Variants in ANKS1B observed in about 807,000 individuals in gnomAD.
ANKS1B encodes the protein ankyrin repeat and sterile alpha motif domain-containing protein 1B.
Under a neutral mutation model 148.3 loss-of-function variants are expected in ANKS1B, and 36 were observed. That is an observed-to-expected ratio of 0.24 (90% CI 0.19 to 0.32). The LOEUF (loss-of-function observed/expected upper bound fraction) is 0.32, where lower values mean the gene tolerates loss of function less well. Ranked by LOEUF, ANKS1B falls within the 10% of genes least tolerant of loss-of-function variation. The pLI is 1.00. For synonymous variants in ANKS1B, 542 were observed against 560.8 expected, an observed-to-expected ratio of 0.97 and a Z score of 0.47; for missense variants, 1,157 against 1,542.6, an observed-to-expected ratio of 0.75 and a Z score of 4.19.
At chr12:99,873,518 C>T (rs892289196) in intron 1 of ANKS1B, among the ~76,000 whole-genome samples, 1 of 152,146 alleles carries the variant, frequency 6.6e-6, no homozygotes, top group Non-Finnish European at 1.5e-5. Flanking sequence ...TCAGCTCTAC[C>T]TCGTAGTTCC....
chr12:99,082,988 C>T (rs1472055958), intron 16 of ANKS1B, among the ~76,000 whole-genome samples: 4 of 152,040 alleles, frequency 2.6e-5, no homozygotes, highest in African/African-American at 9.7e-5. Context: ...AGTAAACATA[C>T]ACAAGCAGAG....
At chr12:99,938,678 A>G (rs2094840750) in intron 1 of ANKS1B, among the ~76,000 whole-genome samples, 1 of 152,178 alleles carries the variant, frequency 6.6e-6, no homozygotes, top group Non-Finnish European at 1.5e-5. Context: ...ACACAGCCAG[A>G]CCCTTTTGTA....
chr12:99,562,635 CCTT>C (rs2097348609), intron 9 of ANKS1B, among the ~76,000 whole-genome samples: 1 of 152,136 alleles, frequency 6.6e-6, no homozygotes, highest in Non-Finnish European at 1.5e-5. Flanking sequence ...GCAAATATGT[CCTT>C]CTTCACATGG....
chr12:99,827,122 C>A (rs570627476), intron 1 of ANKS1B, among the ~76,000 whole-genome samples: 2 of 151,208 alleles, frequency 1.3e-5, no homozygotes, highest in Admixed American at 1.3e-4. Flanking sequence ...CTGCCACCCC[C>A]ACAACAAAAA....
At chr12:99,273,738 G>A (rs568044157) in intron 12 of ANKS1B, among the ~76,000 whole-genome samples, 46 of 150,560 alleles carry the variant, frequency 3.1e-4, no homozygotes, top group East Asian at 1.9e-3. Flanking sequence ...CACCACACCC[G>A]GCTAATTTTT....
chr12:99,641,353 T>C (rs1001499239), intron 9 of ANKS1B, among the ~76,000 whole-genome samples: 2 of 152,148 alleles, frequency 1.3e-5, no homozygotes, highest in African/African-American at 4.8e-5. Context: ...CAACAAATAA[T>C]AGTCAGGCCA....
At chr12:99,934,957 T>C (rs960494889) in intron 1 of ANKS1B, among the ~76,000 whole-genome samples, 3 of 152,138 alleles carry the variant, frequency 2.0e-5, no homozygotes, top group Non-Finnish European at 4.4e-5. Flanking sequence ...GGACTGGTGA[T>C]CTGGGATAAG....
intron 19 of ANKS1B, among the ~76,000 whole-genome samples, chr12:98,817,666 T>C (rs1286252033): frequency 1.3e-5 from 2 of 152,256 alleles, no homozygotes; most frequent in Admixed American, 1.3e-4. Context: ...TCAAGTTCCC[T>C]GTCTGTGTCT....
At chr12:99,928,275 T>TA (rs1555250636) in intron 1 of ANKS1B, among the ~76,000 whole-genome samples, 2,895 of 131,056 alleles carry the variant, frequency 0.022, 85 homozygotes, top group African/African-American at 0.071. Context: ...TATTTTATTT[T>TA]TTTTTTTTTT....
intron 8 of ANKS1B, among the ~76,000 whole-genome samples, chr12:99,717,685 A>C (rs899555517): frequency 5.3e-5 from 8 of 152,136 alleles, no homozygotes; most frequent in Non-Finnish European, 1.2e-4. Flanking sequence ...ATCGCCTTGG[A>C]AGCCCCCTAG....
intron 1 of ANKS1B, 73 bp from the exon 2 acceptor site, chr12:99,825,462 T>C (rs937771510): frequency 9.1e-5 from 108 of 1,182,524 alleles, no homozygotes; most frequent in Middle Eastern, 5.7e-4. Context: ...AGAAGGCTGG[T>C]AGCCCCACAG....
intron 1 of ANKS1B, among the ~76,000 whole-genome samples, chr12:99,931,874 T>C (rs2094625549): frequency 6.6e-6 from 1 of 152,084 alleles, no homozygotes. Context: ...GTCTTATTCA[T>C]TCCCTCTAAT....
intron 12 of ANKS1B, among the ~76,000 whole-genome samples, chr12:99,336,158 A>G (rs1259344061): frequency 6.6e-6 from 1 of 152,070 alleles, no homozygotes; most frequent in Non-Finnish European, 1.5e-5. Context: ...TCTGCCATTT[A>G]TACGTCTTCT....
chr12:99,437,137 C>T (rs934125177), intron 11 of ANKS1B, among the ~76,000 whole-genome samples: 1 of 151,942 alleles, frequency 6.6e-6, no homozygotes, highest in African/African-American at 2.4e-5. Flanking sequence ...CAGGTTTCCA[C>T]CTTGGTTGGG....
intron 8 of ANKS1B, among the ~76,000 whole-genome samples, chr12:99,709,140 G>A (rs2056266292): frequency 6.6e-6 from 1 of 152,126 alleles, no homozygotes; most frequent in South Asian, 2.1e-4. Context: ...ACTGCTGTGT[G>A]TGTGTGCACG....
intron 12 of ANKS1B, among the ~76,000 whole-genome samples, chr12:99,275,693 T>C (rs992069785): frequency 3.3e-5 from 5 of 152,242 alleles, no homozygotes; most frequent in Non-Finnish European, 5.9e-5. Context: ...TTTTGGGGTA[T>C]ATACCTGGCC....
At chr12:99,494,254 T>C (rs924849462) in intron 10 of ANKS1B, among the ~76,000 whole-genome samples, 5 of 152,052 alleles carry the variant, frequency 3.3e-5, no homozygotes, top group Non-Finnish European at 5.9e-5. Flanking sequence ...AATAGACACC[T>C]GACTAAAGTG....
At chr12:99,367,457 T>C (rs1011773795) in intron 12 of ANKS1B, among the ~76,000 whole-genome samples, 4 of 152,190 alleles carry the variant, frequency 2.6e-5, no homozygotes, top group Non-Finnish European at 5.9e-5. Context: ...AAAAGCTCTT[T>C]GAAAGAGAAT....
At chr12:99,562,037 T>C (rs1270422335) in intron 9 of ANKS1B, among the ~76,000 whole-genome samples, 3 of 152,244 alleles carry the variant, frequency 2.0e-5, no homozygotes, top group African/African-American at 7.2e-5. Context: ...AGATGCTGTG[T>C]TCGCACACAT....
Sources: gnomAD v4.1 joint callset for allele counts (sites outside exome capture counted in the v4.1 genomes callset) on GRCh38, gnomAD v4.1.1 for gene constraint, MANE v1.5 for transcripts, NCBI Gene and HGNC (gene_info 2026-07-23, HGNC 2026-07-21) for gene names.